Variants in PDGFD observed in about 807,000 individuals in gnomAD.
PDGFD encodes platelet derived growth factor D, also known as platelet-derived growth factor D.
A neutral mutation model predicts 44.7 loss-of-function variants in PDGFD; 30 were observed. The ratio of observed to expected loss-of-function variants is 0.67; its 90% CI spans 0.50 to 0.91. The LOEUF (loss-of-function observed/expected upper bound fraction) is 0.91, where lower values mean the gene tolerates loss of function less well. Ranked by LOEUF, PDGFD falls within the 40% of genes least tolerant of loss-of-function variation. The probability of loss-of-function intolerance (pLI) is 0.00; values close to 1 mark genes in which losing one functional copy is unlikely to be tolerated. For synonymous variants in PDGFD, 173 were observed against 168.4 expected, an observed-to-expected ratio of 1.03 and a Z score of -0.21; for missense variants, 445 against 457.8, an observed-to-expected ratio of 0.97 and a Z score of 0.25.
At chr11:104,089,296 A>G (rs1043228217) in intron 1 of PDGFD, among the ~76,000 whole-genome samples, 6 of 152,186 alleles carry the variant, frequency 3.9e-5, no homozygotes, top group African/African-American at 1.4e-4. Context: ...AAGAATCTAG[A>G]GTGTATCTTC....
intron 1 of PDGFD, among the ~76,000 whole-genome samples, chr11:104,153,639 T>A (rs903755968): frequency 1.3e-5 from 2 of 152,126 alleles, no homozygotes; most frequent in Non-Finnish European, 2.9e-5. Context: ...AAAGGATTAA[T>A]ATGATTAAGG....
intron 1 of PDGFD, among the ~76,000 whole-genome samples, chr11:104,084,787 A>ATATAAAATATATATTTTATAAGTAT (rs569802630): frequency 0.4 from 52,761 of 132,564 alleles, 11,485 homozygotes; most frequent in East Asian, 0.54. Context: ...ACATAAAATA[A>ATATAAAATATATATTTTATAAGTAT]TATAAAATAT....
rs567213836 is a variant in PDGFD, at chr11:104,115,258, C to CAT, written c.124+48544_124+48545dup. Among the ~76,000 whole-genome samples the CAT allele has an allele frequency of 5.4e-3, 794 of 146,006 alleles. 2 individuals are homozygous for CAT. The highest frequency in any genetic ancestry group is 0.018 in the Middle Eastern group (5 of 282). ...TTATTATGGATGAGTAGCATTCTAT[C>CAT]ATATATATATATATGTATGTATATA... On this transcript the variant is annotated intron_variant, in intron 1 of 6. Transcript: ENST00000393158.
At chr11:104,163,161 T>C (rs745784577) in intron 1 of PDGFD, among the ~76,000 whole-genome samples, 1 of 152,158 alleles carries the variant, frequency 6.6e-6, no homozygotes, top group African/African-American at 2.4e-5. Flanking sequence ...CCTGTGGTAC[T>C]GATGAAACCC....
chr11:104,090,796 T>A (rs959757642), intron 1 of PDGFD, among the ~76,000 whole-genome samples: 44 of 152,130 alleles, frequency 2.9e-4, no homozygotes, highest in Admixed American at 2.8e-3. Flanking sequence ...GTGTCTCACA[T>A]CTGAGGCAGG....
chr11:104,076,324 T>C (rs1346350792), intron 1 of PDGFD, among the ~76,000 whole-genome samples: 3 of 152,172 alleles, frequency 2.0e-5, no homozygotes, highest in African/African-American at 7.2e-5. Flanking sequence ...CCATTAAAAC[T>C]GTCCCCAGGG....
At chr11:104,101,970 A>C (rs964576051) in intron 1 of PDGFD, among the ~76,000 whole-genome samples, 1 of 152,078 alleles carries the variant, frequency 6.6e-6, no homozygotes, top group African/African-American at 2.4e-5. Context: ...AAACCATAAA[A>C]ACCCTAGAAG....
intron 1 of PDGFD, among the ~76,000 whole-genome samples, chr11:104,074,280 C>T (rs190351373): frequency 6.6e-6 from 1 of 152,128 alleles, no homozygotes; most frequent in Admixed American, 6.5e-5. Context: ...CATGAACTTG[C>T]GAGAACAGTA....
intron 1 of PDGFD, among the ~76,000 whole-genome samples, chr11:104,120,040 G>C (rs997037751): frequency 2.1e-5 from 3 of 146,084 alleles, no homozygotes; most frequent in Non-Finnish European, 4.5e-5. Flanking sequence ...TTCCTTCTGA[G>C]AACTGGAACA....
At chr11:103,928,625 T>C (rs1209054668) in intron 5 of PDGFD, among the ~76,000 whole-genome samples, 3 of 152,218 alleles carry the variant, frequency 2.0e-5, no homozygotes, top group Non-Finnish European at 2.9e-5. Context: ...TTATCCCCAA[T>C]TGTCATACGC....
At chr11:103,983,653 T>A (rs1246163593) in intron 3 of PDGFD, among the ~76,000 whole-genome samples, 1 of 151,476 alleles carries the variant, frequency 6.6e-6, no homozygotes, top group Non-Finnish European at 1.5e-5. Flanking sequence ...TGGGAGAAAA[T>A]TTTTGCAAAC....
At chr11:103,946,276 C>T (rs1858667044) in intron 4 of PDGFD, among the ~76,000 whole-genome samples, 1 of 152,170 alleles carries the variant, frequency 6.6e-6, no homozygotes, top group South Asian at 2.1e-4. Flanking sequence ...CAATGGAGTG[C>T]TGAGTAAAGA....
chr11:104,036,867 C>G (rs931042339), intron 1 of PDGFD: 2 of 1,613,994 alleles, frequency 1.2e-6, no homozygotes, highest in Non-Finnish European at 1.7e-6. Context: ...TCTCCGAGGT[C>G]ACCTTCTCTC....
chr11:104,054,285 C>CA (rs1484195782), intron 1 of PDGFD, among the ~76,000 whole-genome samples: 2 of 152,180 alleles, frequency 1.3e-5, no homozygotes, highest in Non-Finnish European at 2.9e-5. Flanking sequence ...TTTGGCTACT[C>CA]AATGTCCTCA....
intron 3 of PDGFD, among the ~76,000 whole-genome samples, chr11:103,961,697 C>T (rs1858937949): frequency 6.6e-6 from 1 of 152,152 alleles, no homozygotes; most frequent in Non-Finnish European, 1.5e-5. Context: ...GTATTTATGG[C>T]TTCCACTACT....
intron 1 of PDGFD, among the ~76,000 whole-genome samples, chr11:104,140,689 C>A (rs962904454): frequency 5.3e-5 from 8 of 152,148 alleles, no homozygotes; most frequent in Admixed American, 2.0e-4. Context: ...CTAACTATAT[C>A]CCCCCCTGAA....
chr11:103,951,578 C>G (rs925803355), intron 3 of PDGFD, among the ~76,000 whole-genome samples: 1 of 152,130 alleles, frequency 6.6e-6, no homozygotes, highest in Non-Finnish European at 1.5e-5. Context: ...ATTTGATAAC[C>G]TACCTTTCCC....
chr11:104,134,760 A>G (rs1000577120), intron 1 of PDGFD, among the ~76,000 whole-genome samples: 1 of 152,190 alleles, frequency 6.6e-6, no homozygotes, highest in Non-Finnish European at 1.5e-5. Flanking sequence ...GCTGAAGCCT[A>G]CACCTCAAAC....
rs191898889 is a variant in PDGFD, at chr11:104,047,005, C to T, written c.125-46750G>A. ...AACATGAGGTGCTTGGTTTTCTGTTCCTGTGATAGTTTGCTAAGAATGATG... is the reference window on the plus strand; with the variant it reads ...AACATGAGGTGCTTGGTTTTCTGTTTCTGTGATAGTTTGCTAAGAATGATG... On this transcript the variant is annotated intron_variant, in intron 1 of 6. Coordinates refer to ENST00000393158, the MANE Select transcript of PDGFD (RefSeq NM_025208.5). 2.4e-4 allele frequency among the ~76,000 whole-genome samples: 35 copies of T among 146,850 alleles called. 5 individuals carry two copies. Among genetic ancestry groups the T allele is most frequent in the Non-Finnish European group, 4.9e-4 (32 of 65,806 alleles).
Sources: gnomAD v4.1 joint callset for allele counts (sites outside exome capture counted in the v4.1 genomes callset) on GRCh38, gnomAD v4.1.1 for gene constraint, MANE v1.5 for transcripts, NCBI Gene and HGNC (gene_info 2026-07-23, HGNC 2026-07-21) for gene names.